HDAC9: variants seen among roughly 807,000 people sequenced by gnomAD.
HDAC9 encodes the protein MEF-2 interacting transcription repressor (MITR) protein.
HDAC9 carries 41 observed loss-of-function variants against 139.4 expected under a neutral mutation model. The ratio of observed to expected loss-of-function variants is 0.29; its 90% CI spans 0.23 to 0.38. The LOEUF is 0.38. Ranked by LOEUF, HDAC9 falls within the 10% of genes least tolerant of loss-of-function variation. The probability of loss-of-function intolerance (pLI) is 1.00; values close to 1 mark genes in which losing one functional copy is unlikely to be tolerated. For missense variants in HDAC9, 1,147 were observed against 1,297.0 expected (o/e 0.88, Z 1.78); for synonymous variants, 517 against 476.2 (o/e 1.09, Z -1.12).
chr7:18,305,166 C>A (rs143553825), intron 1 of HDAC9, among the ~76,000 whole-genome samples: 1 of 152,088 alleles, frequency 6.6e-6, no homozygotes, highest in African/African-American at 2.4e-5. Flanking sequence ...CCATAGCCCA[C>A]TTTTTATAAT....
chr7:18,690,478 C>G (rs1477768994), intron 12 of HDAC9, among the ~76,000 whole-genome samples: 1 of 151,878 alleles, frequency 6.6e-6, no homozygotes, highest in Non-Finnish European at 1.5e-5. Flanking sequence ...TTTTGTGGGA[C>G]AACAATCCCT....
At chr7:18,404,887 A>C (rs1489042800) in intron 1 of HDAC9, among the ~76,000 whole-genome samples, 2 of 152,220 alleles carry the variant, frequency 1.3e-5, no homozygotes, top group African/African-American at 2.4e-5. Context: ...TGATTATTCT[A>C]CTTCAGGGTT....
At chr7:18,570,018 C>T (rs1349132945) in intron 2 of HDAC9, among the ~76,000 whole-genome samples, 1 of 152,182 alleles carries the variant, frequency 6.6e-6, no homozygotes, top group Admixed American at 6.5e-5. Context: ...CTCATTAACA[C>T]TGTTTACAGT....
chr7:18,527,348 C>T lies in HDAC9; in HGVS notation c.22+31024C>T, dbSNP rs116311946. 9.7e-3 allele frequency among the ~76,000 whole-genome samples: 1,476 copies of T among 152,092 alleles called. 30 individuals carry two copies. Among genetic ancestry groups the T allele is most frequent in the African/African-American group, 0.033 (1,388 of 41,472 alleles). On this transcript the variant is annotated intron_variant, in intron 2 of 25. Transcript: ENST00000686413. ...TTACCTTCTTTGTTTTTCACAGTTG[C>T]CTCCCTCTCCTTTTGCTATATGGAC...
At chr7:18,327,867 A>G (rs1800588194) in intron 1 of HDAC9, 2 of 151,896 alleles carry the variant, frequency 1.3e-5, no homozygotes, top group East Asian at 1.9e-4. Flanking sequence ...TTCCTTTTTT[A>G]TTGTTATAGT....
intron 19 of HDAC9, among the ~76,000 whole-genome samples, chr7:18,833,501 A>G (rs191838815): frequency 6.6e-6 from 1 of 152,328 alleles, no homozygotes; most frequent in East Asian, 1.9e-4. Context: ...GTTTTTCAAA[A>G]TATTTTATTT....
intron 2 of HDAC9, among the ~76,000 whole-genome samples, chr7:18,512,376 TA>T (rs1801790439): frequency 6.6e-6 from 1 of 152,112 alleles, no homozygotes; most frequent in Non-Finnish European, 1.5e-5. Flanking sequence ...CTGTTTTATA[TA>T]AAAAACAACC....
chr7:18,170,450 A>G (rs1261886600), intron 2 of HDAC9, among the ~76,000 whole-genome samples: 3 of 152,110 alleles, frequency 2.0e-5, no homozygotes, highest in Non-Finnish European at 4.4e-5. Context: ...CAGTTTAATG[A>G]GATCCCATTT....
At chr7:18,272,955 ACT>A (rs1796457288) in intron 2 of HDAC9, among the ~76,000 whole-genome samples, 1 of 95,118 alleles carries the variant, frequency 1.1e-5, no homozygotes, top group African/African-American at 3.4e-5. Flanking sequence ...TACTACTACT[ACT>A]ACTACTACTA....
intron 2 of HDAC9, among the ~76,000 whole-genome samples, chr7:18,174,712 C>T (rs1164249625): frequency 6.6e-6 from 1 of 152,178 alleles, no homozygotes; most frequent in African/African-American, 2.4e-5. Context: ...TCAGGACCCT[C>T]AGCTGCAGGT....
At chr7:18,748,370 A>T (rs1286935275) in intron 13 of HDAC9, among the ~76,000 whole-genome samples, 2 of 152,216 alleles carry the variant, frequency 1.3e-5, no homozygotes, top group Admixed American at 6.5e-5. Context: ...TTTTAAAAGA[A>T]ACACTTTAAA....
rs1364003777 is a variant in HDAC9, at chr7:18,901,221, T to TATAC, written c.2803+26626_2803+26627insTACA. 9.0e-4 allele frequency among the ~76,000 whole-genome samples: 111 copies of TATAC among 123,132 alleles called. 1 individual carries two copies. The highest frequency in any genetic ancestry group is 4.4e-3 in the Middle Eastern group (1 of 228). The allele number at this position is 123,132 out of a possible 152,430, so 80.8% of individuals were successfully genotyped here. A position where few individuals can be genotyped will look rare whatever the true frequency, so the allele number is the denominator to read the frequency against. On this transcript the variant is annotated intron_variant, in intron 22 of 25. Coordinates refer to ENST00000686413, the MANE Select transcript of HDAC9 (RefSeq NM_178425.4). ...TACTATATATACATATATATATATA[T>TATAC]ACACACACACACACACACACACACA...
intron 17 of HDAC9, among the ~76,000 whole-genome samples, chr7:18,824,072 G>C (rs1033242939): frequency 6.9e-6 from 1 of 144,360 alleles, no homozygotes; most frequent in African/African-American, 2.9e-5. Context: ...AGAAGAAGAA[G>C]AAGAAGAAGA....
At chr7:18,449,123 A>G (rs544218727) in intron 1 of HDAC9, among the ~76,000 whole-genome samples, 1 of 152,282 alleles carries the variant, frequency 6.6e-6, no homozygotes, top group Non-Finnish European at 1.5e-5. Flanking sequence ...ACCTTTAGAT[A>G]CATATCCAAT....
rs1783295637 is a variant in HDAC9 at position 18,356,369 on chromosome 7, T to TTTTTTG, written c.-42+65859_-42+65860insGTTTTT. Among the ~76,000 whole-genome samples the TTTTTTG allele has an allele frequency of 2.1e-5, 3 of 141,248 alleles. No homozygotes were observed. The South Asian group carries it at 6.8e-4, about 32-fold the overall frequency. The allele number at this position is 141,248 out of a possible 152,430, so 92.7% of individuals were successfully genotyped here. A position where few individuals can be genotyped will look rare whatever the true frequency, so the allele number is the denominator to read the frequency against. On this transcript the variant is annotated intron_variant, in intron 1 of 3. Coordinates refer to the HDAC9 transcript ENST00000413509. The stretch of plus-strand genomic sequence containing the variant: ...AGGGCAGCACATAGGTTTTTTTTTT[T>TTTTTTG]TTTTTTTTTTTTTTTTAAAGACAAC...
intron 1 of HDAC9, among the ~76,000 whole-genome samples, chr7:18,110,915 A>G (rs183011979): frequency 3.3e-4 from 51 of 152,286 alleles, no homozygotes; most frequent in Non-Finnish European, 5.7e-4. Flanking sequence ...CATGGGGAAG[A>G]GTTTGGATGT....
intron 25 of HDAC9, among the ~76,000 whole-genome samples, chr7:18,983,712 T>C (rs961273344): frequency 6.6e-6 from 1 of 152,202 alleles, no homozygotes; most frequent in African/African-American, 2.4e-5. Flanking sequence ...CCACTAGCAA[T>C]GAATGACAGT....
chr7:18,090,950 C>G (rs1372117631), intron 1 of HDAC9, among the ~76,000 whole-genome samples: 1 of 152,090 alleles, frequency 6.6e-6, no homozygotes, highest in African/African-American at 2.4e-5. Flanking sequence ...AGGATAATTG[C>G]CCACATGATT....
Position 18,874,484 on chromosome 7 carries a change from C to T in HDAC9, c.2691C>T (p.Ile897=), listed in dbSNP as rs574843888. 51 of 1,580,410 alleles carry T rather than the reference C, an allele frequency of 3.2e-5. No homozygotes were observed. Among genetic ancestry groups the T allele is most frequent in the Middle Eastern group, 1.7e-4 (1 of 6,024 alleles). ...DVEYLEAFRT[I]VKPVAKEFDP... is the part of the protein sequence containing the mutation. ...TTGCATTTTTACTGTGCAGGACCAT[C>T]GTGAAGCCTGTGGCCAAAGAGTTTG... Residue 897 remains isoleucine (I), a synonymous_variant, in exon 22 of 26, where the codon ATC becomes ATT. Transcript: ENST00000686413.
Sources: allele counts gnomAD v4.1 joint callset (sites outside exome capture counted in the v4.1 genomes callset), GRCh38; gene constraint gnomAD v4.1.1; transcripts MANE v1.5; gene names NCBI Gene and HGNC (gene_info 2026-07-23, HGNC 2026-07-21).